Variants in ACIN1 observed in about 807,000 individuals in gnomAD.
ACIN1 encodes the protein apoptotic chromatin condensation inducer in the nucleus.
A neutral mutation model predicts 146.6 loss-of-function variants in ACIN1; 16 were observed. That is an observed-to-expected ratio of 0.11 (90% CI 0.07 to 0.17). The LOEUF (loss-of-function observed/expected upper bound fraction) is 0.17. Among genes scored for constraint, ACIN1 ranks in the 10% least tolerant of loss-of-function variants. The pLI, the probability that ACIN1 is intolerant of heterozygous loss-of-function variation, is 1.00. For missense variants in ACIN1, 1,357 were observed against 1,609.3 expected (o/e 0.84, Z 2.68); for synonymous variants, 569 against 582.7 (o/e 0.98, Z 0.34).
chr14:23,072,819 C>A (rs1007138526), intron 8 of ACIN1, among the ~76,000 whole-genome samples: 2 of 152,224 alleles, frequency 1.3e-5, no homozygotes, highest in African/African-American at 2.4e-5. Context: ...TGGTCCCTGT[C>A]TGCTCAGGGT....
chr14:23,064,621 G>C (rs1209496834), intron 10 of ACIN1, 133 bp from the exon 11 acceptor site: 6 of 1,297,634 alleles, frequency 4.6e-6, no homozygotes, highest in African/African-American at 4.4e-5. Flanking sequence ...TTTGGAGGCT[G>C]AGTGTGGTGG....
chr14:23,063,396 A>AG, intron 13 of ACIN1, 40 bp downstream of exon 13: 1 of 1,595,326 alleles, frequency 6.3e-7, no homozygotes, highest in Non-Finnish European at 8.5e-7. Flanking sequence ...CTGAGAATTC[A>AG]GGGAGCCGCA....
Position 23,079,638 on chromosome 14 carries a change from C to G in ACIN1, c.1697G>C (p.Arg566Pro), listed in dbSNP as rs201565553. ...VAQARTHANPRGRPKMGSRST... is the reference protein window; with the variant it reads ...VAQARTHANPPGRPKMGSRST... ...TCTGGAGCCCATCTTGGGTCTACCA[C>G]GAGGGTTGGCATGAGTACGTGCCTG... Residue 566 changes from arginine to proline, a missense_variant, in exon 6 of 19, where the codon CGT (arginine) becomes CCT (proline). By Grantham distance (103) the Arg-to-Pro change is moderately radical. Around this residue, in one of 4 missense-constraint regions of ACIN1, gnomAD observed 771 missense variants for 746.6 expected, o/e 1.03. Transcript: ENST00000605057. 24 of 1,613,984 alleles carry G rather than the reference C, an allele frequency of 1.5e-5. No homozygotes were observed. Among genetic ancestry groups the G allele is most frequent in the Non-Finnish European group, 8.5e-7 (1 of 1,180,032 alleles).
intron 1 of ACIN1, 55 bp downstream of exon 1, chr14:23,094,920 C>G (rs2048335768): frequency 1.3e-6 from 2 of 1,516,342 alleles, no homozygotes; most frequent in African/African-American, 2.7e-5. Flanking sequence ...GCGGCAGAGG[C>G]TCGTCTCTAC....
In ACIN1 at chr14:23,068,878, T is replaced by TG. The variant is rs1417081137; in HGVS notation, c.2265+597dup. 1 of 985,310 alleles carries TG rather than the reference T, an allele frequency of 1.0e-6. No individual in the cohort carries two copies. Among genetic ancestry groups the TG allele is most frequent in the African/African-American group, 1.7e-5 (1 of 57,238 alleles). The allele number at this position is 985,310 out of a possible 1,614,324, so 61.0% of individuals were successfully genotyped here. On this transcript the variant is annotated intron_variant, in intron 9 of 18. Transcript: ENST00000605057. This position sits in a 1 kb window ranked among gnomAD's most constrained non-coding sequence, Gnocchi z 4.3. The stretch of plus-strand genomic sequence containing the variant: ...GCCAAGAAGACTTCGCTGGCTCTGA[T>TG]GGGGGAAGCCCCCTGAAGTGGGTGC...
At chr14:23,092,972 T>C (rs2048266121) in intron 2 of ACIN1, among the ~76,000 whole-genome samples, 1 of 152,220 alleles carries the variant, frequency 6.6e-6, no homozygotes, top group Admixed American at 6.5e-5. Context: ...TTTCTTATCC[T>C]AAGTAAAGAG....
intron 14 of ACIN1, 102 bp from the exon 15 acceptor site, chr14:23,062,625 TG>T (rs2047324439): frequency 8.7e-7 from 1 of 1,152,386 alleles, no homozygotes; most frequent in East Asian, 2.3e-5. Context: ...TTTCAAGGTT[TG>T]GGGGAGGGCA....
At chr14:23,090,174 A>G (rs2048193383) in intron 3 of ACIN1, 73 bp from the exon 4 acceptor site, 1 of 1,547,586 alleles carries the variant, frequency 6.5e-7, no homozygotes, top group African/African-American at 1.4e-5. Flanking sequence ...TAGAGGAGTG[A>G]AGGAGGTCAG....
In ACIN1 at chr14:23,075,859, G is replaced by A. The variant is rs528470872; in HGVS notation, c.2123+2292C>T. ...AACTGGGATTACAGGTGCACACCATGCCCGGCTAATTTTGTATTTTTAGTA... is the reference window on the plus strand; with the variant it reads ...AACTGGGATTACAGGTGCACACCATACCCGGCTAATTTTGTATTTTTAGTA... On this transcript the variant is annotated intron_variant, in intron 8 of 18. Coordinates refer to ENST00000605057, the MANE Select transcript of ACIN1 (RefSeq NM_001386863.1). Among the ~76,000 whole-genome samples the A allele has an allele frequency of 9.9e-5, 15 of 152,184 alleles. 1 individual carries two copies. The South Asian group carries it at 3.1e-3, about 32-fold the overall frequency.
intron 9 of ACIN1, 186 bp from the exon 10 acceptor site, chr14:23,066,194 A>G: frequency 1.8e-6 from 1 of 551,300 alleles, no homozygotes; most frequent in South Asian, 2.5e-5. Context: ...GCAAAAACGA[A>G]GCAGAATCAA....
intron 4 of ACIN1, among the ~76,000 whole-genome samples, chr14:23,086,167 C>G (rs1025167259): frequency 6.6e-6 from 1 of 152,184 alleles, no homozygotes; most frequent in Admixed American, 6.5e-5. Context: ...AAACCTAAAT[C>G]TGACTCATGT....
chr14:23,071,635 G>C, intron 8 of ACIN1: 4 of 1,410,980 alleles, frequency 2.8e-6, no homozygotes, highest in Non-Finnish European at 3.8e-6. Context: ...AAAAGAGGGA[G>C]GGAGCTGAGT....
At chr14:23,073,967 C>T (rs1017853793) in intron 8 of ACIN1, among the ~76,000 whole-genome samples, 1 of 151,176 alleles carries the variant, frequency 6.6e-6, no homozygotes, top group African/African-American at 2.4e-5. Context: ...GCCTCCCGAG[C>T]AGCTGGGACT....
chr14:23,075,560 AAGTC>A lies in ACIN1; in HGVS notation c.2123+2587_2123+2590del, dbSNP rs1163709056. On this transcript the variant is annotated intron_variant, in intron 8 of 18. Coordinates refer to ENST00000605057, the MANE Select transcript of ACIN1 (RefSeq NM_001386863.1). The stretch of plus-strand genomic sequence containing the variant: ...AATGGATTTAACCAAACACAGCAAA[AAGTC>A]AGTCAATCTCTTCCAAATGGTGACA... 3.3e-5 allele frequency among the ~76,000 whole-genome samples: 5 copies of A among 151,910 alleles called. No homozygotes were observed. In the East Asian group the frequency reaches 5.8e-4, roughly 18 times the overall value.
At chr14:23,094,577 G>C in intron 1 of ACIN1, 3 of 978,318 alleles carry the variant, frequency 3.1e-6, no homozygotes, top group Non-Finnish European at 3.6e-6. Flanking sequence ...ACCCCTTCGC[G>C]CAACTATACC....
In ACIN1 at chr14:23,067,299, GGTA is replaced by G; in HGVS notation, c.2266-1294_2266-1292del. ...AACTAGGAATATGACAAATGTTCCA[GGTA>G]CCATCTCACACCTGGGATCTTCAGT... On this transcript the variant is annotated intron_variant, in intron 9 of 18. Coordinates refer to ENST00000605057, the MANE Select transcript of ACIN1 (RefSeq NM_001386863.1). The surrounding 1 kb of genome is among the most constrained non-coding windows in gnomAD (Gnocchi z 4.6). 1 of 985,656 alleles carries G rather than the reference GGTA, an allele frequency of 1.0e-6. No homozygotes were observed. Among genetic ancestry groups the G allele is most frequent in the Non-Finnish European group, 1.2e-6 (1 of 829,818 alleles). 61.1% of individuals were successfully genotyped at this position (985,656 alleles called of 1,614,324 possible). A position where few individuals can be genotyped will look rare whatever the true frequency, so the allele number is the denominator to read the frequency against.
chr14:23,059,307 C>T lies in ACIN1; in HGVS notation c.3693G>A (p.Arg1231=), dbSNP rs1187663009. The change falls in exon 19 of 19, where the codon AGG becomes AGA. Residue 1231 remains arginine, a synonymous_variant. Transcript: ENST00000605057. ...CCCGCTCCCTTTCTCTCTCTCTCTC[C>T]CTGTCCCTCTCCCGACTGTGCTCCC... is the stretch of plus-strand genomic sequence containing the variant. ...KRREHSRERD[R]ERERERERDR... 2 of 1,589,448 alleles carry T rather than the reference C, an allele frequency of 1.3e-6. No homozygotes were observed. Among genetic ancestry groups the T allele is most frequent in the Non-Finnish European group, 8.6e-7 (1 of 1,157,686 alleles).
Position 23,067,368 on chromosome 14 carries a change from C to A in ACIN1, c.2266-1360G>T. The A allele has an allele frequency of 2.0e-6, 2 of 985,760 alleles. No individual in the cohort carries two copies. The highest frequency in any genetic ancestry group is 2.4e-6 in the Non-Finnish European group (2 of 829,956). The allele number at this position is 985,760 out of a possible 1,614,324, so 61.1% of individuals were successfully genotyped here. On this transcript the variant is annotated intron_variant, in intron 9 of 18. Coordinates refer to ENST00000605057, the MANE Select transcript of ACIN1 (RefSeq NM_001386863.1). This position sits in a 1 kb window ranked among gnomAD's most constrained non-coding sequence, Gnocchi z 4.6. ...TCACTGTGTACTGTATCTAGTCAAC[C>A]GCCGGTCCAATCAGAATGAGCCCTC... is the stretch of plus-strand genomic sequence containing the variant.
At position 23,058,622 on chromosome 14, in the gene ACIN1, A is replaced by G. The variant is rs183778984; in HGVS notation, c.*526T>C. ...CATAGACCACATCATTTAATAATAA[A>G]AAAAATAAAAATAAAAATTGAACAA... is the stretch of plus-strand genomic sequence containing the variant. On this transcript the variant is annotated 3_prime_UTR_variant, in exon 19 of 19. Coordinates refer to ENST00000605057, the MANE Select transcript of ACIN1 (RefSeq NM_001386863.1). 70 of 155,160 alleles carry G rather than the reference A, an allele frequency of 4.5e-4. No individual in the cohort carries two copies. Among genetic ancestry groups the G allele is most frequent in the Admixed American group, 2.2e-3 (35 of 15,718 alleles). The allele number at this position is 155,160 out of a possible 1,614,324, so 9.6% of individuals were successfully genotyped here.
Sources: gnomAD v4.1 joint callset for allele counts (sites outside exome capture counted in the v4.1 genomes callset) on GRCh38, gnomAD v4.1.1 for gene constraint, gnomAD v4.1.1 regional missense constraint, Gnocchi (gnomAD v3.1) non-coding constraint, MANE v1.5 for transcripts, NCBI Gene and HGNC (gene_info 2026-07-23, HGNC 2026-07-21) for gene names.